Variants in ZNF662 observed in about 807,000 individuals in gnomAD.
ZNF662 encodes the protein zinc finger protein 662.
In ZNF662, 14 loss-of-function variants were observed where a neutral mutation model predicts 12.4. That is an observed-to-expected ratio of 1.13 (90% CI 0.75 to 1.77). The LOEUF is 1.77. Among genes scored for constraint, ZNF662 ranks in the 40% most tolerant of loss-of-function variants. ZNF662 has a pLI of 0.00. For synonymous variants in ZNF662, 184 were observed against 176.4 expected (o/e 1.04, Z -0.34); for missense variants, 550 against 515.6 (o/e 1.07, Z -0.65).
In ZNF662 at chr3:42,915,123, C is replaced by G. The variant is rs761853113; in HGVS notation, c.1050C>G (p.His350Gln). Reference protein sequence around the residue: ...GFMWNSDLSQHQRVHTGDKPH... With the variant: ...GFMWNSDLSQQQRVHTGDKPH... ...TGTGGAACTCAGATCTTTCTCAGCA[C>G]CAGAGGGTCCACACTGGGGACAAGC... The change falls in exon 5 of 5, where the codon CAC becomes CAG. Residue 350 changes from histidine to glutamine, a missense_variant. Coordinates refer to ENST00000440367, the MANE Select transcript of ZNF662 (RefSeq NM_207404.4). 9 of 1,614,142 alleles carry G rather than the reference C, an allele frequency of 5.6e-6. No individual in the cohort carries two copies. The South Asian group carries it at 8.8e-5, about 16-fold the overall frequency.
chr3:42,912,738 T>C (rs557878634), intron 3 of ZNF662, among the ~76,000 whole-genome samples: 1 of 117,640 alleles, frequency 8.5e-6, no homozygotes, highest in African/African-American at 3.3e-5. Flanking sequence ...TATATATAAA[T>C]ATATATATAT....
At position 42,918,410 on chromosome 3, in the gene ZNF662, T is replaced by G. The variant is rs750553920; in HGVS notation, c.*3056T>G. 2.0e-5 allele frequency among the ~76,000 whole-genome samples: 3 copies of G among 152,190 alleles called. No homozygotes were observed. Among genetic ancestry groups the G allele is most frequent in the Non-Finnish European group, 4.4e-5 (3 of 68,036 alleles). On this transcript the variant is annotated 3_prime_UTR_variant, in exon 5 of 5. Transcript: ENST00000440367. ...CACACATGAGCTGAAGAGCCTAGTC[T>G]TCTCCCCCTGCATGAATTCCTGGTG...
At position 42,915,016 on chromosome 3, in the gene ZNF662, C is replaced by T. The variant is rs755271867; in HGVS notation, c.943C>T (p.Arg315Ter). The change falls in exon 5 of 5, where the codon CGA (arginine) becomes TGA (stop). Residue 315 changes from arginine (R) to a stop codon, truncating the protein, a stop_gained. Transcript: ENST00000440367. LOFTEE classifies it low-confidence loss of function (END_TRUNC). ...TAAGGAATGTGGGAAAAGCTTTACT[C>T]GAAACCCAGCCCTTCTTCGACATCA... is the stretch of plus-strand genomic sequence containing the variant. The part of the protein sequence containing the change: ...TCKECGKSFT[R>*]NPALLRHQRM... The T allele has an allele frequency of 9.1e-5, 147 of 1,613,836 alleles. 2 individuals carry two copies. In the Middle Eastern group the frequency reaches 3.5e-3, roughly 38 times the overall value.
chr3:42,909,312 C>T (rs1413877243), intron 3 of ZNF662, among the ~76,000 whole-genome samples: 1 of 152,202 alleles, frequency 6.6e-6, no homozygotes, highest in Non-Finnish European at 1.5e-5. Context: ...CAAAGCACAT[C>T]TTGCACCGCC....
chr3:42,908,710 C>A, intron 2 of ZNF662, 83 bp from the exon 3 acceptor site: 3 of 1,513,096 alleles, frequency 2.0e-6, no homozygotes, highest in Non-Finnish European at 2.7e-6. Flanking sequence ...CCTCCTACCC[C>A]TGAAGACACT....
chr3:42,910,146 C>T (rs2125642579), intron 3 of ZNF662, among the ~76,000 whole-genome samples: 1 of 152,292 alleles, frequency 6.6e-6, no homozygotes, highest in African/African-American at 2.4e-5. Context: ...CAGTCAGGAG[C>T]TGGAGACCAG....
chr3:42,914,855 C>T lies in ZNF662; in HGVS notation c.782C>T (p.Ser261Leu), dbSNP rs756031999. ...TGTGCTAAGGCCTTTGTTTGGAAGT[C>T]AAACCTGATTCGTCACCAGAGAATA... is the stretch of plus-strand genomic sequence containing the variant. Reference protein sequence around the residue: ...QECAKAFVWKSNLIRHQRIHT... With the variant: ...QECAKAFVWKLNLIRHQRIHT... Residue 261 changes from serine (S) to leucine (L), a missense_variant, in exon 5 of 5, where the codon TCA becomes TTA. Transcript: ENST00000440367. 1.2e-6 allele frequency: 2 copies of T among 1,613,962 alleles called. No individual in the cohort carries two copies. Among genetic ancestry groups the T allele is most frequent in the South Asian group, 2.2e-5 (2 of 91,052 alleles).
In ZNF662 at chr3:42,912,693, A is replaced by ATTTTTTATATATATAAATATATATATATT. The variant is rs55883208; in HGVS notation, c.152-504_152-503insTTATATATATAAATATATATATATTTTTT. On this transcript the variant is annotated intron_variant, in intron 3 of 4. Coordinates refer to ENST00000440367, the MANE Select transcript of ZNF662 (RefSeq NM_207404.4). ...TTTTTATATATATAAATATATATATATTTTATATATATAAATATATATATA... is the reference window on the plus strand; with the variant it reads ...TTTTTATATATATAAATATATATATATTTTTTATATATATAAATATATATATATTTTTTATATATATAAATATATATATA... Among the ~76,000 whole-genome samples the ATTTTTTATATATATAAATATATATATATT allele has an allele frequency of 1.3e-3, 71 of 53,098 alleles. 4 individuals carry two copies. The highest frequency in any genetic ancestry group is 4.4e-3 in the African/African-American group (59 of 13,550). The allele number at this position is 53,098 out of a possible 152,430, so 34.8% of individuals were successfully genotyped here.
At chr3:42,907,882 C>A in intron 1 of ZNF662, 140 bp from the exon 2 acceptor site, 1 of 1,392,270 alleles carries the variant, frequency 7.2e-7, no homozygotes, top group South Asian at 1.9e-5. Flanking sequence ...CAAAAATCTT[C>A]TGCTGATAGA....
intron 3 of ZNF662, among the ~76,000 whole-genome samples, chr3:42,912,653 AATAT>A (rs74216350): frequency 4.3e-5 from 2 of 46,178 alleles, no homozygotes; most frequent in Admixed American, 3.0e-4. Flanking sequence ...TATATATATA[AATAT>A]ATATATATAT....
rs780831184 is a variant in ZNF662, at chr3:42,915,406, A to G, written c.*52A>G. 10 of 1,495,404 alleles carry G rather than the reference A, an allele frequency of 6.7e-6. No individual in the cohort carries two copies. Among genetic ancestry groups the G allele is most frequent in the Admixed American group, 2.3e-5 (1 of 43,798 alleles). 92.6% of individuals were successfully genotyped at this position (1,495,404 alleles called of 1,614,324 possible). A position where few individuals can be genotyped will look rare whatever the true frequency, so the allele number is the denominator to read the frequency against. ...ATAATTCTTATGCTGCAGGAACCCT[A>G]GAGACAAAATGAGATGACCATTCAC... On this transcript the variant is annotated 3_prime_UTR_variant, in exon 5 of 5. Transcript: ENST00000440367.
intron 2 of ZNF662, 116 bp from the exon 3 acceptor site, chr3:42,908,677 C>G (rs958872678): frequency 1.3e-5 from 19 of 1,475,278 alleles, no homozygotes; most frequent in Non-Finnish European, 1.6e-5. Flanking sequence ...TCTTGTTCTT[C>G]CTAGTTATTT....
At chr3:42,912,740 T>TATATATATATTTTTATATATATAAAA (rs2088844297) in intron 3 of ZNF662, among the ~76,000 whole-genome samples, 1 of 119,364 alleles carries the variant, frequency 8.4e-6, no homozygotes, top group African/African-American at 3.2e-5. Context: ...TATATAAATA[T>TATATATATATTTTTATATATATAAAA]ATATATATAT....
chr3:42,912,655 T>TATATATATATTTTTATATATTATAA (rs1559381489), intron 3 of ZNF662, among the ~76,000 whole-genome samples: 1 of 46,712 alleles, frequency 2.1e-5, no homozygotes, highest in Non-Finnish European at 3.6e-5. Context: ...TATATATAAA[T>TATATATATATTTTTATATATTATAA]ATATATATAT....
At chr3:42,907,717 T>C (rs1216667739) in intron 1 of ZNF662, 1 of 985,406 alleles carries the variant, frequency 1.0e-6, no homozygotes, top group Non-Finnish European at 1.2e-6. Context: ...GGAGAGAGGA[T>C]GGGACCTAGA....
chr3:42,908,559 G>A (rs1352979970), intron 2 of ZNF662: 7 of 1,349,974 alleles, frequency 5.2e-6, no homozygotes, highest in Non-Finnish European at 6.7e-6. Context: ...TCCTCAATGA[G>A]TGAAATCATC....
chr3:42,912,629 A>ATATAT lies in ZNF662; in HGVS notation c.152-571_152-570insATATT, dbSNP rs1359816692. 1.7e-4 allele frequency among the ~76,000 whole-genome samples: 15 copies of ATATAT among 87,670 alleles called. No individual in the cohort carries two copies. In the East Asian group the frequency reaches 3.0e-3, roughly 18 times the overall value. 57.5% of individuals were successfully genotyped at this position (87,670 alleles called of 152,430 possible). A position where few individuals can be genotyped will look rare whatever the true frequency, so the allele number is the denominator to read the frequency against. ...ACAAATATTTTTCTATAAAATATATATTTATATATTTTATATATATATAAA... is the reference window on the plus strand; with the variant it reads ...ACAAATATTTTTCTATAAAATATATATATATTTTATATATTTTATATATATATAAA... On this transcript the variant is annotated intron_variant, in intron 3 of 4. Transcript: ENST00000440367.
Position 42,908,144 on chromosome 3 carries a change from C to G in ZNF662, c.30C>G (p.Ser10=), listed in dbSNP as rs2088709205. 1.2e-6 allele frequency: 2 copies of G among 1,613,048 alleles called. No individual in the cohort carries two copies. The highest frequency in any genetic ancestry group is 3.3e-5 in the Admixed American group (2 of 59,994). MLENYGAVA[S]LAAFPFPKPA... ...TGGAGAATTATGGGGCTGTGGCTTC[C>G]CTGGGTAAGGGTCTCTCCCTTTGGG... The change falls in exon 2 of 5, where the codon TCC becomes TCG. Residue 10 remains serine (S), a synonymous_variant. Coordinates refer to ENST00000440367, the MANE Select transcript of ZNF662 (RefSeq NM_207404.4).
In ZNF662 at chr3:42,908,860, G is replaced by A. The variant is rs765092140; in HGVS notation, c.102G>A (p.Ser34=). Residue 34 remains serine (S), a synonymous_variant, in exon 3 of 5, where the codon TCG becomes TCA. Coordinates refer to ENST00000440367, the MANE Select transcript of ZNF662 (RefSeq NM_207404.4). The part of the protein sequence containing the change: ...QLERGETPWC[S]VPRGALDGEA... ...AGCGAGGGGAAACACCCTGGTGCTC[G>A]GTTCCTCGGGGAGCTCTGGATGGAG... 5.0e-6 allele frequency: 8 copies of A among 1,613,980 alleles called. No individual in the cohort carries two copies. The highest frequency in any genetic ancestry group is 2.7e-5 in the African/African-American group (2 of 74,918).
Sources: gnomAD v4.1 joint callset for allele counts (sites outside exome capture counted in the v4.1 genomes callset) on GRCh38, gnomAD v4.1.1 for gene constraint, MANE v1.5 for transcripts, NCBI Gene and HGNC (gene_info 2026-07-23, HGNC 2026-07-21) for gene names.